Variants in UBE4A observed in about 807,000 individuals in gnomAD.
The protein encoded by UBE4A is ubiquitination factor E4A.
Under a neutral mutation model 117.9 loss-of-function variants are expected in UBE4A, and 48 were observed. The ratio of observed to expected loss-of-function variants is 0.41; its 90% CI spans 0.32 to 0.52. The LOEUF is 0.52. Among genes scored for constraint, UBE4A ranks in the 20% least tolerant of loss-of-function variants. The probability of loss-of-function intolerance (pLI) is 0.33; values close to 1 mark genes in which losing one functional copy is unlikely to be tolerated. For synonymous variants in UBE4A, 407 were observed against 450.0 expected (o/e 0.90, Z 1.21); for missense variants, 1,067 against 1,296.3 (o/e 0.82, Z 2.72).
intron 10 of UBE4A, 46 bp from the exon 11 acceptor site, chr11:118,379,400 C>T (rs1003997524): frequency 5.8e-6 from 9 of 1,560,044 alleles, no homozygotes; most frequent in Admixed American, 3.6e-5. Flanking sequence ...TTTTTTGTGA[C>T]TTTCTGTTTT....
At chr11:118,373,364 A>G (rs370601495) in intron 7 of UBE4A, 76 bp downstream of exon 7, 4 of 1,546,752 alleles carry the variant, frequency 2.6e-6, no homozygotes, top group East Asian at 2.3e-5. Context: ...TGAAGACACT[A>G]TAATACTACC....
intron 3 of UBE4A, 133 bp from the exon 4 acceptor site, chr11:118,369,290 T>C: frequency 3.1e-6 from 2 of 641,814 alleles, no homozygotes; most frequent in Non-Finnish European, 2.7e-6. Context: ...CTTTAGATGT[T>C]GCTTTGTGTA....
At chr11:118,364,799 A>C (rs992762775) in intron 1 of UBE4A, among the ~76,000 whole-genome samples, 7 of 150,442 alleles carry the variant, frequency 4.7e-5, no homozygotes, top group African/African-American at 1.7e-4. Flanking sequence ...AATGCATTCC[A>C]GCTGAACGTT....
intron 2 of UBE4A, among the ~76,000 whole-genome samples, chr11:118,366,552 G>C (rs1227036730): frequency 6.6e-6 from 1 of 152,172 alleles, no homozygotes; most frequent in Non-Finnish European, 1.5e-5. Flanking sequence ...TGTTTACACT[G>C]AGTTTATCAT....
chr11:118,363,830 C>A (rs1181764148), intron 1 of UBE4A, among the ~76,000 whole-genome samples: 1 of 152,114 alleles, frequency 6.6e-6, no homozygotes, highest in Non-Finnish European at 1.5e-5. Flanking sequence ...GTTGGCCAGG[C>A]TGGTCTTGAA....
rs1948743617 is a variant in UBE4A, at chr11:118,385,020, T to C, written c.2412+75T>C. The C allele has an allele frequency of 2.9e-6, 4 of 1,373,296 alleles. No homozygotes were observed. The African/African-American group carries it at 4.4e-5, about 15-fold the overall frequency. The allele number at this position is 1,373,296 out of a possible 1,614,324, so 85.1% of individuals were successfully genotyped here. A position where few individuals can be genotyped will look rare whatever the true frequency, so the allele number is the denominator to read the frequency against. ...CATCAGCAGTACATACATTTTACCT[T>C]TTAATCATAATAGAGCAGTCCTTAT... On this transcript the variant is annotated intron_variant, in intron 15 of 19. Coordinates refer to ENST00000252108, the MANE Select transcript of UBE4A (RefSeq NM_001204077.2).
In UBE4A at chr11:118,390,680, C is replaced by A; in HGVS notation, c.2792C>A (p.Thr931Asn). ...NLGDEENFCA[T>N]VPKDGRSYSP... ...AGGGATGAGGAGAATTTCTGTGCCA[C>A]TGTGCCCAAGGATGGACGTTCCTAT... Residue 931 changes from threonine (T) to asparagine (N), a missense_variant, in exon 18 of 20, where the codon ACT (threonine) becomes AAT (asparagine). Physicochemically the swap from Thr to Asn is moderately conservative, Grantham distance 65. This residue lies in a region of UBE4A where 1,001 missense variants were observed against 1,184.0 expected (regional missense o/e 0.85). Coordinates refer to ENST00000252108, the MANE Select transcript of UBE4A (RefSeq NM_001204077.2). 1 of 1,530,760 alleles carries A rather than the reference C, an allele frequency of 6.5e-7. No homozygotes were observed. Among genetic ancestry groups the A allele is most frequent in the Non-Finnish European group, 8.8e-7 (1 of 1,142,638 alleles). The allele number at this position is 1,530,760 out of a possible 1,614,324, so 94.8% of individuals were successfully genotyped here. A position where few individuals can be genotyped will look rare whatever the true frequency, so the allele number is the denominator to read the frequency against.
intron 9 of UBE4A, 129 bp downstream of exon 9, chr11:118,375,358 ATTTTT>A: frequency 5.2e-6 from 5 of 970,760 alleles, no homozygotes; most frequent in Non-Finnish European, 7.1e-6. Context: ...AGCTATTTCG[ATTTTT>A]TTTTCTTTTT....
At chr11:118,371,883 C>T (rs769660326) in intron 5 of UBE4A, among the ~76,000 whole-genome samples, 41 of 152,254 alleles carry the variant, frequency 2.7e-4, no homozygotes, top group Middle Eastern at 3.4e-3. Flanking sequence ...GTCTCCTTTC[C>T]GTATCTTGGG....
chr11:118,373,034 G>A, intron 6 of UBE4A, 52 bp from the exon 7 acceptor site: 1 of 1,493,786 alleles, frequency 6.7e-7, no homozygotes, highest in Non-Finnish European at 9.3e-7. Flanking sequence ...AGTGTGTAAA[G>A]GCATATAAAA....
chr11:118,373,382 TAAG>T, intron 7 of UBE4A, 94 bp downstream of exon 7: 1 of 1,527,474 alleles, frequency 6.5e-7, no homozygotes, highest in African/African-American at 1.4e-5. Context: ...ACCTATAAAA[TAAG>T]AAAAAGATAG....
intron 13 of UBE4A, among the ~76,000 whole-genome samples, 177 bp from the exon 14 acceptor site, chr11:118,384,458 G>T (rs1453642132): frequency 1.3e-5 from 2 of 152,180 alleles, no homozygotes; most frequent in Non-Finnish European, 2.9e-5. Flanking sequence ...CATCAGTAAG[G>T]AAATGAGCAA....
chr11:118,384,770 A>G, intron 14 of UBE4A, 35 bp downstream of exon 14: 1 of 1,611,216 alleles, frequency 6.2e-7, no homozygotes, highest in South Asian at 1.1e-5. Context: ...GTTGCTTTAT[A>G]TAAGCCCTAA....
At chr11:118,390,982 C>T (rs574088448) in intron 18 of UBE4A, among the ~76,000 whole-genome samples, 178 bp downstream of exon 18, 8 of 152,228 alleles carry the variant, frequency 5.3e-5, no homozygotes, top group African/African-American at 1.9e-4. Context: ...CACTACACTC[C>T]AGCCTTGGCA....
intron 10 of UBE4A, among the ~76,000 whole-genome samples, chr11:118,377,549 C>A (rs1411161224): frequency 1.3e-5 from 2 of 151,882 alleles, no homozygotes; most frequent in Non-Finnish European, 2.9e-5. Context: ...AAAATTAAAT[C>A]ACTGTCTTCC....
At chr11:118,383,929 G>A (rs532353344) in intron 13 of UBE4A, among the ~76,000 whole-genome samples, 3 of 152,214 alleles carry the variant, frequency 2.0e-5, no homozygotes, top group East Asian at 1.9e-4. Flanking sequence ...ATAAGAAATT[G>A]TATAATAAAT....
chr11:118,367,518 C>CTTTTTT (rs36110679), intron 2 of UBE4A, among the ~76,000 whole-genome samples: 1 of 123,302 alleles, frequency 8.1e-6, no homozygotes, highest in Non-Finnish European at 1.7e-5. Flanking sequence ...TAAATGTTAA[C>CTTTTTT]TTTTTTTTTT....
At chr11:118,361,466 TC>T (rs757410201) in intron 1 of UBE4A, among the ~76,000 whole-genome samples, 4 of 152,220 alleles carry the variant, frequency 2.6e-5, no homozygotes, top group African/African-American at 7.2e-5. Context: ...AACTGGCATC[TC>T]CACAAAGGTT....
At chr11:118,367,788 G>A (rs967619849) in intron 2 of UBE4A, among the ~76,000 whole-genome samples, 4 of 152,190 alleles carry the variant, frequency 2.6e-5, no homozygotes, top group African/African-American at 7.2e-5. Flanking sequence ...GTGAGCCACC[G>A]TGCCAGGCAG....
Sources: gnomAD v4.1 joint callset for allele counts (sites outside exome capture counted in the v4.1 genomes callset) on GRCh38, gnomAD v4.1.1 for gene constraint, gnomAD v4.1.1 regional missense constraint, MANE v1.5 for transcripts, NCBI Gene and HGNC (gene_info 2026-07-23, HGNC 2026-07-21) for gene names.